PPP2R2C: variants seen among roughly 807,000 people sequenced by gnomAD.
PPP2R2C encodes protein phosphatase 2, regulatory subunit B, gamma.
PPP2R2C carries 10 observed loss-of-function variants against 45.3 expected under a neutral mutation model. The ratio of observed to expected loss-of-function variants is 0.22; its 90% confidence interval spans 0.14 to 0.37. PPP2R2C has a LOEUF of 0.37. Among genes scored for constraint, PPP2R2C ranks in the 10% least tolerant of loss-of-function variants. PPP2R2C has a pLI of 1.00. For synonymous variants in PPP2R2C, 257 were observed against 245.4 expected, an observed-to-expected ratio of 1.05 and a Z score of -0.44; for missense variants, 308 against 619.7, an observed-to-expected ratio of 0.50 and a Z score of 5.34.
At chr4:6,528,523 G>A (rs534429809) in intron 2 of PPP2R2C, among the ~76,000 whole-genome samples, 5 of 152,094 alleles carry the variant, frequency 3.3e-5, no homozygotes, top group Non-Finnish European at 5.9e-5. Context: ...TGACCCTGGC[G>A]TCTGAGAGCC....
At chr4:6,369,738 C>T (rs1050907072) in intron 5 of PPP2R2C, among the ~76,000 whole-genome samples, 6 of 152,182 alleles carry the variant, frequency 3.9e-5, no homozygotes, top group Non-Finnish European at 8.8e-5. Context: ...CCTTCTCTGG[C>T]TTCCTTGGCG....
upstream of PPP2R2C, among the ~76,000 whole-genome samples, chr4:6,473,222 T>C (rs10031697): frequency 0.08 from 12,081 of 150,690 alleles, 655 homozygotes; most frequent in African/African-American, 0.15. Flanking sequence ...TCCTGACGAG[T>C]GAGAAAGTTA....
intron 2 of PPP2R2C, among the ~76,000 whole-genome samples, chr4:6,500,930 G>A: frequency 6.6e-6 from 1 of 152,126 alleles, no homozygotes; most frequent in Non-Finnish European, 1.5e-5. Context: ...CCGTCGCACG[G>A]CACACATCCA....
At chr4:6,341,567 C>G (rs747669403) in intron 6 of PPP2R2C, among the ~76,000 whole-genome samples, 3 of 152,106 alleles carry the variant, frequency 2.0e-5, no homozygotes, top group Non-Finnish European at 4.4e-5. Context: ...TCTACATCCT[C>G]CACCCTAGAA....
At chr4:6,452,207 A>G (rs1383795732) in intron 1 of PPP2R2C, among the ~76,000 whole-genome samples, 1 of 151,992 alleles carries the variant, frequency 6.6e-6, no homozygotes, top group Non-Finnish European at 1.5e-5. Flanking sequence ...GGACACTGCC[A>G]CCTCCTGCTA....
chr4:6,555,657 C>T (rs555529594), intron 1 of PPP2R2C: 1 of 152,254 alleles, frequency 6.6e-6, no homozygotes, highest in African/African-American at 2.4e-5. Flanking sequence ...CTCTGCACCA[C>T]CGCAGGAATC....
chr4:6,336,753 CTCCT>C (rs1732938038), intron 6 of PPP2R2C, among the ~76,000 whole-genome samples: 1 of 43,212 alleles, frequency 2.3e-5, no homozygotes, highest in Non-Finnish European at 4.1e-5. Context: ...CCCTCCCTCC[CTCCT>C]TCCCTCCCTC....
chr4:6,512,017 G>GGGGTGGTGGTGA, intron 2 of PPP2R2C, among the ~76,000 whole-genome samples: 1 of 8,182 alleles, frequency 1.2e-4, no homozygotes, highest in African/African-American at 6.9e-4. Flanking sequence ...GGTGGTGGTT[G>GGGGTGGTGGTGA]TGGTGGCGGT....
chr4:6,537,740 C>A (rs1014261006), intron 1 of PPP2R2C, among the ~76,000 whole-genome samples: 1 of 151,950 alleles, frequency 6.6e-6, no homozygotes, highest in Non-Finnish European at 1.5e-5. Context: ...TTAGAAGAGA[C>A]GGGGTTTCAC....
At chr4:6,457,197 G>C (rs1194373838) in intron 1 of PPP2R2C, among the ~76,000 whole-genome samples, 1 of 88,186 alleles carries the variant, frequency 1.1e-5, no homozygotes, top group Admixed American at 1.5e-4. Flanking sequence ...GACAGAGCGA[G>C]ACTCCATCTC....
At chr4:6,360,286 C>T (rs190598975) in intron 5 of PPP2R2C, among the ~76,000 whole-genome samples, 50 of 152,356 alleles carry the variant, frequency 3.3e-4, no homozygotes, top group African/African-American at 1.1e-3. Context: ...GGAGTAAACG[C>T]ATTTCCACAC....
rs574330502 is a variant in PPP2R2C at position 6,407,209 on chromosome 4, C to A, written c.71-26115G>T. Among the ~76,000 whole-genome samples the A allele has an allele frequency of 2.2e-3, 335 of 152,338 alleles. 1 individual carries two copies. The highest frequency in any genetic ancestry group is 7.8e-3 in the African/African-American group (324 of 41,566). On this transcript the variant is annotated intron_variant, in intron 1 of 8. Transcript: ENST00000382599. ...TGATAATATGTTATGGCAGCCACTACAAGAAACAAGCTCCTTAATCAGAGA... is the reference window on the plus strand; with the variant it reads ...TGATAATATGTTATGGCAGCCACTAAAAGAAACAAGCTCCTTAATCAGAGA...
At chr4:6,468,326 C>T (rs1027300223) in intron 1 of PPP2R2C, among the ~76,000 whole-genome samples, 7 of 152,186 alleles carry the variant, frequency 4.6e-5, no homozygotes, top group African/African-American at 1.7e-4. Context: ...CTTAGCAATT[C>T]CCAAGCATCC....
intron 1 of PPP2R2C, among the ~76,000 whole-genome samples, chr4:6,449,942 C>T (rs1043610832): frequency 2.0e-5 from 3 of 152,208 alleles, no homozygotes; most frequent in Non-Finnish European, 4.4e-5. Flanking sequence ...GAGGCTTCGG[C>T]GCCACCTCCT....
chr4:6,397,184 G>C (rs971313414), intron 1 of PPP2R2C, among the ~76,000 whole-genome samples: 1 of 152,142 alleles, frequency 6.6e-6, no homozygotes. Context: ...CAAAGCCCAC[G>C]TCCCAGTCGG....
intron 1 of PPP2R2C, among the ~76,000 whole-genome samples, chr4:6,548,402 T>C (rs971572857): frequency 6.6e-6 from 1 of 151,998 alleles, no homozygotes; most frequent in East Asian, 1.9e-4. Context: ...AGCCGGCACA[T>C]CCCAAAGCAC....
intron 6 of PPP2R2C, among the ~76,000 whole-genome samples, chr4:6,341,774 T>TGA (rs1320388338): frequency 2.0e-5 from 3 of 152,030 alleles, no homozygotes; most frequent in Non-Finnish European, 2.9e-5. Context: ...AATGATGAGC[T>TGA]GAGGAGTGCA....
At chr4:6,549,284 ACT>A (rs1352554782) in intron 1 of PPP2R2C, among the ~76,000 whole-genome samples, 1 of 135,992 alleles carries the variant, frequency 7.4e-6, no homozygotes, top group African/African-American at 2.8e-5. Context: ...CACCCTTCCC[ACT>A]CTCTGCTTTG....
intron 2 of PPP2R2C, among the ~76,000 whole-genome samples, chr4:6,491,847 TACTACCC>T (rs1257171787): frequency 6.6e-6 from 1 of 152,170 alleles, no homozygotes; most frequent in African/African-American, 2.4e-5. Context: ...GAGGGAAGCT[TACTACCC>T]ATATTTCCTG....
Sources: allele counts gnomAD v4.1 joint callset (sites outside exome capture counted in the v4.1 genomes callset), GRCh38; gene constraint gnomAD v4.1.1; transcripts MANE v1.5; gene names NCBI Gene and HGNC (gene_info 2026-07-23, HGNC 2026-07-21).